Variants in TUSC3 observed in about 807,000 individuals in gnomAD.
The protein encoded by TUSC3 is tumor suppressor candidate 3.
TUSC3 carries 45 observed loss-of-function variants against 44.8 expected under a neutral mutation model. That is an observed-to-expected ratio of 1.00 (90% CI 0.79 to 1.29). The LOEUF is 1.29. Ranked by LOEUF, TUSC3 falls within the 50% of genes most tolerant of loss-of-function variation. The pLI is 0.00. For synonymous variants in TUSC3, 212 were observed against 152.9 expected (o/e 1.39, Z -2.85); for missense variants, 519 against 437.9 (o/e 1.19, Z -1.65).
intron 2 of TUSC3, among the ~76,000 whole-genome samples, chr8:15,498,809 C>A (rs1277562304): frequency 1.3e-5 from 2 of 152,106 alleles, no homozygotes; most frequent in East Asian, 1.9e-4. Flanking sequence ...TCAGCCACCA[C>A]CAGAGGCAGA....
chr8:15,498,223 G>C (rs1800910164), intron 2 of TUSC3, among the ~76,000 whole-genome samples: 1 of 152,170 alleles, frequency 6.6e-6, no homozygotes, highest in South Asian at 2.1e-4. Flanking sequence ...TTAACCTTAA[G>C]ATTGTACCTT....
intron 2 of TUSC3, among the ~76,000 whole-genome samples, chr8:15,534,803 A>G (rs938972487): frequency 1.3e-5 from 2 of 152,176 alleles, no homozygotes; most frequent in Non-Finnish European, 2.9e-5. Context: ...AAAAAGGTAA[A>G]GTGACGTACA....
intron 2 of TUSC3, among the ~76,000 whole-genome samples, chr8:15,502,551 C>T (rs545503804): frequency 2.6e-5 from 4 of 152,280 alleles, no homozygotes; most frequent in South Asian, 2.1e-4. Flanking sequence ...AGTGCAGTGG[C>T]GCGATCTCCG....
intron 9 of TUSC3, among the ~76,000 whole-genome samples, chr8:15,751,530 A>C (rs1811703544): frequency 6.6e-6 from 1 of 152,248 alleles, no homozygotes; most frequent in Non-Finnish European, 1.5e-5. Flanking sequence ...TGATTGGCTA[A>C]GTTTTTCATC....
the TUSC3 span, among the ~76,000 whole-genome samples, chr8:15,786,818 C>T: frequency 1.3e-5 from 2 of 151,384 alleles, no homozygotes; most frequent in African/African-American, 4.9e-5. Flanking sequence ...GTGGTGGGCG[C>T]CTGTAATCTT....
the TUSC3 span, among the ~76,000 whole-genome samples, chr8:15,791,534 A>G: frequency 6.6e-6 from 1 of 152,068 alleles, no homozygotes; most frequent in African/African-American, 2.4e-5. Context: ...TGGGGAGACC[A>G]CTGTTTCGAG....
At chr8:15,530,406 T>C (rs1264224062) in intron 2 of TUSC3, among the ~76,000 whole-genome samples, 1 of 152,222 alleles carries the variant, frequency 6.6e-6, no homozygotes, top group Non-Finnish European at 1.5e-5. Flanking sequence ...TGGGAGTTAA[T>C]ATGTAGTATT....
At chr8:15,642,838 CA>C (rs1806439623) in intron 2 of TUSC3, among the ~76,000 whole-genome samples, 1 of 152,128 alleles carries the variant, frequency 6.6e-6, no homozygotes, top group Non-Finnish European at 1.5e-5. Flanking sequence ...TATCTTGAGG[CA>C]GTGGCCTGTA....
intron 1 of TUSC3, among the ~76,000 whole-genome samples, chr8:15,579,181 A>T: frequency 6.7e-6 from 1 of 148,432 alleles, no homozygotes. Context: ...ATCATTTTTT[A>T]TTGTGTCTAT....
intron 5 of TUSC3, among the ~76,000 whole-genome samples, chr8:15,673,049 C>G (rs1808017811): frequency 6.6e-6 from 1 of 152,046 alleles, no homozygotes; most frequent in Admixed American, 6.6e-5. Flanking sequence ...ACAAAACATG[C>G]TGACACCTCA....
intron 3 of TUSC3, among the ~76,000 whole-genome samples, chr8:15,653,613 C>A (rs1807017572): frequency 6.6e-6 from 1 of 151,504 alleles, no homozygotes; most frequent in Admixed American, 6.6e-5. Context: ...TTGTCTTTCC[C>A]AAAATCTAGT....
chr8:15,648,680 C>T (rs796625463), intron 2 of TUSC3, among the ~76,000 whole-genome samples: 60 of 123,606 alleles, frequency 4.9e-4, no homozygotes, highest in African/African-American at 1.7e-3. Flanking sequence ...GAGCCGAGAT[C>T]GCGCCGTTGC....
intron 2 of TUSC3, among the ~76,000 whole-genome samples, chr8:15,529,237 C>T (rs563107085): frequency 1.1e-4 from 17 of 152,160 alleles, no homozygotes; most frequent in South Asian, 4.2e-4. Context: ...TAAGCAATTC[C>T]CTAATACTGT....
intron 2 of TUSC3, among the ~76,000 whole-genome samples, chr8:15,504,578 GATAT>G (rs1158864721): frequency 0.011 from 379 of 33,250 alleles, 5 homozygotes; most frequent in Middle Eastern, 0.042. Context: ...CAACTTTCAG[GATAT>G]ATATATATAT....
chr8:15,534,827 A>T (rs1048764989), intron 2 of TUSC3, among the ~76,000 whole-genome samples: 1 of 152,158 alleles, frequency 6.6e-6, no homozygotes, highest in Admixed American at 6.5e-5. Context: ...ATCAGAAGTG[A>T]GGTACATAAA....
intron 1 of TUSC3, among the ~76,000 whole-genome samples, chr8:15,554,335 C>T: frequency 6.6e-6 from 1 of 151,650 alleles, no homozygotes; most frequent in East Asian, 2.0e-4. Flanking sequence ...TGTGTCATTG[C>T]TAGGCAGAAG....
chr8:15,625,256 G>A (rs1805447467), intron 2 of TUSC3, among the ~76,000 whole-genome samples: 3 of 151,512 alleles, frequency 2.0e-5, no homozygotes, highest in Admixed American at 6.6e-5. Context: ...ATTTTTTTTT[G>A]AAGAAGTTTG....
chr8:15,454,950 C>T (rs980611112), intron 1 of TUSC3, among the ~76,000 whole-genome samples: 1 of 151,948 alleles, frequency 6.6e-6, no homozygotes, highest in African/African-American at 2.4e-5. Context: ...ACAGGCTCTC[C>T]CCTCCAAAAT....
rs139395940 is a variant in TUSC3, at chr8:15,735,200, C to T, written c.862+4471C>T. On this transcript the variant is annotated intron_variant, in intron 7 of 10. Transcript: ENST00000503731. Reference sequence around the variant, plus strand: ...AAAGGAAGCAGGAGTCGCTGGCAGTCGTTCTGGCTGCTGGCAATGGTTCAT... The same window carrying T: ...AAAGGAAGCAGGAGTCGCTGGCAGTTGTTCTGGCTGCTGGCAATGGTTCAT... 1.1e-4 allele frequency among the ~76,000 whole-genome samples: 16 copies of T among 152,158 alleles called. No individual in the cohort carries two copies. In the East Asian group the frequency reaches 2.9e-3, roughly 28 times the overall value.
Sources: gnomAD v4.1 joint callset for allele counts (sites outside exome capture counted in the v4.1 genomes callset) on GRCh38, gnomAD v4.1.1 for gene constraint, MANE v1.5 for transcripts, NCBI Gene and HGNC (gene_info 2026-07-23, HGNC 2026-07-21) for gene names.